Variants in ARHGAP24 observed in about 807,000 individuals in gnomAD.
The protein encoded by ARHGAP24 is Rho GTPase activating protein 24.
ARHGAP24 carries 50 observed loss-of-function variants against 76.4 expected under a neutral mutation model. That is an observed-to-expected ratio of 0.65 (90% CI 0.52 to 0.83). The LOEUF (loss-of-function observed/expected upper bound fraction) is 0.83. Among genes scored for constraint, ARHGAP24 ranks in the 40% least tolerant of loss-of-function variants. ARHGAP24 has a pLI of 0.00. For missense variants in ARHGAP24, 930 were observed against 914.2 expected (o/e 1.02, Z -0.22); for synonymous variants, 345 against 323.3 (o/e 1.07, Z -0.72).
chr4:85,788,804 TC>T (rs1191024375), intron 3 of ARHGAP24, among the ~76,000 whole-genome samples: 1 of 152,262 alleles, frequency 6.6e-6, no homozygotes, highest in South Asian at 2.1e-4. Context: ...AGTGATCTTT[TC>T]CCAAGTTCTT....
chr4:85,735,376 C>A (rs1293831515), intron 3 of ARHGAP24, among the ~76,000 whole-genome samples: 1 of 152,104 alleles, frequency 6.6e-6, no homozygotes, highest in Admixed American at 6.5e-5. Flanking sequence ...TAGCTTTGTT[C>A]AAATCAACTT....
intron 3 of ARHGAP24, among the ~76,000 whole-genome samples, chr4:85,746,092 G>A (rs1019707717): frequency 6.6e-6 from 1 of 152,188 alleles, no homozygotes; most frequent in Non-Finnish European, 1.5e-5. Context: ...CCTAGGAGTC[G>A]TGAAGGAGGA....
intron 1 of ARHGAP24, among the ~76,000 whole-genome samples, chr4:85,551,566 G>C (rs1232351618): frequency 6.6e-6 from 1 of 152,150 alleles, no homozygotes; most frequent in Admixed American, 6.5e-5. Flanking sequence ...AGTTGGAGAG[G>C]AGTTCCTTCT....
At chr4:85,708,758 TA>T (rs1472629779) in intron 2 of ARHGAP24, among the ~76,000 whole-genome samples, 1 of 152,148 alleles carries the variant, frequency 6.6e-6, no homozygotes, top group East Asian at 1.9e-4. Flanking sequence ...ATTCTTCTGA[TA>T]AAACAGAGCT....
chr4:85,798,045 C>G (rs756292846), intron 3 of ARHGAP24, among the ~76,000 whole-genome samples: 6 of 131,086 alleles, frequency 4.6e-5, no homozygotes, highest in Admixed American at 8.4e-5. Context: ...CCAGCTTAGT[C>G]AAATCCCTTG....
intron 3 of ARHGAP24, among the ~76,000 whole-genome samples, chr4:85,836,520 T>C (rs1387889887): frequency 6.6e-6 from 1 of 152,234 alleles, no homozygotes; most frequent in Admixed American, 6.5e-5. Flanking sequence ...TGTGCATATC[T>C]ATCACTGTGT....
At chr4:85,605,959 G>C (rs988162255) in intron 2 of ARHGAP24, among the ~76,000 whole-genome samples, 6 of 152,144 alleles carry the variant, frequency 3.9e-5, no homozygotes, top group South Asian at 2.1e-4. Context: ...CTTATTTATG[G>C]TAGCTGACCT....
intron 3 of ARHGAP24, among the ~76,000 whole-genome samples, chr4:85,761,753 G>A (rs1157398016): frequency 6.6e-6 from 1 of 152,154 alleles, no homozygotes; most frequent in Non-Finnish European, 1.5e-5. Context: ...AATTTCAGAA[G>A]CAGTGGCTAT....
At chr4:85,716,157 C>T (rs12650494) in intron 2 of ARHGAP24, among the ~76,000 whole-genome samples, 20,759 of 151,858 alleles carry the variant, frequency 0.14, 1,877 homozygotes, top group East Asian at 0.36. Context: ...TTTTCCAATC[C>T]AAATTCCAAA....
chr4:85,832,295 A>G (rs899730187), intron 3 of ARHGAP24, among the ~76,000 whole-genome samples: 10 of 152,116 alleles, frequency 6.6e-5, no homozygotes, highest in African/African-American at 2.4e-4. Context: ...ATTTGAGCAG[A>G]AGGATAGTGG....
chr4:85,747,121 T>A (rs1165810483), intron 3 of ARHGAP24, among the ~76,000 whole-genome samples: 2 of 152,220 alleles, frequency 1.3e-5, no homozygotes, highest in Non-Finnish European at 2.9e-5. Flanking sequence ...CATTTTCTCC[T>A]ACTTTTCAGG....
intron 3 of ARHGAP24, among the ~76,000 whole-genome samples, chr4:85,783,629 C>A (rs1422252390): frequency 6.6e-6 from 1 of 152,100 alleles, no homozygotes; most frequent in Non-Finnish European, 1.5e-5. Flanking sequence ...TTCCTTCTGT[C>A]TGAGTAAGAG....
chr4:85,906,893 T>G (rs930051461), intron 3 of ARHGAP24, among the ~76,000 whole-genome samples: 1 of 152,162 alleles, frequency 6.6e-6, no homozygotes, highest in Non-Finnish European at 1.5e-5. Context: ...GTTAGTCCAC[T>G]CTATTTGTAA....
At chr4:85,823,314 C>A (rs1729561662) in intron 3 of ARHGAP24, among the ~76,000 whole-genome samples, 1 of 152,048 alleles carries the variant, frequency 6.6e-6, no homozygotes, top group Admixed American at 6.6e-5. Flanking sequence ...TTCTAATATG[C>A]CTTACTCAGT....
intron 2 of ARHGAP24, among the ~76,000 whole-genome samples, chr4:85,600,049 AAAAAT>A (rs144690740): frequency 0.023 from 3,502 of 152,282 alleles, 127 homozygotes; most frequent in African/African-American, 0.08. Context: ...TGTTGTAAAG[AAAAAT>A]AAAATCATGT....
At chr4:85,632,692 GT>G (rs1036290008) in intron 2 of ARHGAP24, among the ~76,000 whole-genome samples, 5 of 151,984 alleles carry the variant, frequency 3.3e-5, no homozygotes, top group African/African-American at 1.2e-4. Context: ...ACAAATTAAT[GT>G]CTAATGGCAG....
intron 2 of ARHGAP24, among the ~76,000 whole-genome samples, chr4:85,659,930 CA>C (rs1488941500): frequency 1.3e-5 from 2 of 152,092 alleles, no homozygotes; most frequent in African/African-American, 4.8e-5. Context: ...GGTTTCTTTC[CA>C]TTCGTTCTCT....
intron 5 of ARHGAP24, among the ~76,000 whole-genome samples, chr4:85,956,941 G>T (rs569419734): frequency 6.6e-6 from 1 of 152,172 alleles, no homozygotes; most frequent in Admixed American, 6.5e-5. Context: ...GCTGTTGCTG[G>T]CTCAAATGCC....
intron 2 of ARHGAP24, among the ~76,000 whole-genome samples, chr4:85,585,116 T>C (rs558347809): frequency 5.9e-5 from 9 of 152,368 alleles, no homozygotes; most frequent in Admixed American, 1.3e-4. Context: ...TGGTTCCCAC[T>C]TTTAGTTGTT....
Sources: gnomAD v4.1 joint callset for allele counts (sites outside exome capture counted in the v4.1 genomes callset) on GRCh38, gnomAD v4.1.1 for gene constraint, MANE v1.5 for transcripts, NCBI Gene and HGNC (gene_info 2026-07-23, HGNC 2026-07-21) for gene names.